LPL: variants seen among roughly 807,000 people sequenced by gnomAD.
The protein encoded by LPL is lipoprotein lipase, also known as phospholipase A1.
LPL carries 43 observed loss-of-function variants against 52.2 expected under a neutral mutation model. The ratio of observed to expected loss-of-function variants is 0.82; its 90% CI spans 0.64 to 1.06. The LOEUF (loss-of-function observed/expected upper bound fraction) is 1.06. LPL is among the 50% of genes least tolerant of loss of function. The pLI, the probability that LPL is intolerant of heterozygous loss-of-function variation, is 0.00. For synonymous variants in LPL, 244 were observed against 215.6 expected (o/e 1.13, Z -1.15); for missense variants, 639 against 585.3 (o/e 1.09, Z -0.95).
At chr8:19,956,942 G>C (rs1425302125) in intron 6 of LPL, among the ~76,000 whole-genome samples, 1 of 152,124 alleles carries the variant, frequency 6.6e-6, no homozygotes, top group Non-Finnish European at 1.5e-5. Flanking sequence ...CCCTGCCTCA[G>C]CCTCCGGAGT....
intron 8 of LPL, among the ~76,000 whole-genome samples, chr8:19,961,458 C>G (rs318): frequency 0.052 from 7,883 of 151,940 alleles, 357 homozygotes; most frequent in African/African-American, 0.12. Context: ...TTCAAACCAA[C>G]CTCTTCAAGA....
In LPL at chr8:19,954,368, G is replaced by A. The variant is rs375405196; in HGVS notation, c.775+15G>A. The stretch of plus-strand genomic sequence containing the variant: ...AGGACTTGGAGGTAAATATTATTTA[G>A]AAGCGAATTAAATGTGACTCTTATC... On this transcript the variant is annotated intron_variant, in intron 5 of 9. Transcript: ENST00000650287. The A allele has an allele frequency of 1.9e-6, 3 of 1,606,094 alleles. No individual in the cohort carries two copies. The African/African-American group carries it at 4.0e-5, about 21-fold the overall frequency.
intron 6 of LPL, among the ~76,000 whole-genome samples, chr8:19,957,663 C>T (rs1030872997): frequency 1.3e-5 from 2 of 152,178 alleles, no homozygotes; most frequent in African/African-American, 4.8e-5. Context: ...AATTCAATGT[C>T]TCTTCATCTT....
rs1351585526 is a variant in LPL at position 19,939,846 on chromosome 8, G to C, written c.88+318G>C. 2.0e-5 allele frequency among the ~76,000 whole-genome samples: 3 copies of C among 152,210 alleles called. No individual in the cohort carries two copies. Among genetic ancestry groups the C allele is most frequent in the Non-Finnish European group, 4.4e-5 (3 of 68,028 alleles). ...CCGCCGGGGAGGTTCCGGGGTGTGG[G>C]GGCCGGGACGGCGGAGGCGGGGAGT... On this transcript the variant is annotated intron_variant, in intron 1 of 9. Transcript: ENST00000650287. This position sits in a 1 kb window ranked among gnomAD's most constrained non-coding sequence, Gnocchi z 4.0.
At chr8:19,941,923 T>A (rs1322962836) in intron 1 of LPL, among the ~76,000 whole-genome samples, 4 of 152,188 alleles carry the variant, frequency 2.6e-5, no homozygotes, top group African/African-American at 9.6e-5. Context: ...TTAGGAAACG[T>A]GAAGAGCTAG....
intron 9 of LPL, among the ~76,000 whole-genome samples, chr8:19,964,515 C>T (rs953778108): frequency 6.6e-6 from 1 of 151,976 alleles, no homozygotes; most frequent in South Asian, 2.1e-4. Flanking sequence ...TGTTCAGATG[C>T]GTTTTATTTT....
Position 19,950,498 on chromosome 8 carries a change from T to A in LPL, c.250-1271T>A, listed in dbSNP as rs1323482630. 6.6e-6 allele frequency among the ~76,000 whole-genome samples: 1 copy of A among 152,186 alleles called. No homozygotes were observed. The highest frequency in any genetic ancestry group is 6.5e-5 in the Admixed American group (1 of 15,280). ...AGTTGGATGTCCAGCCTTTTTAGAT[T>A]GCTTAACTTGGAAACACTGGGCTGG... On this transcript the variant is annotated intron_variant, in intron 2 of 9. Coordinates refer to ENST00000650287, the MANE Select transcript of LPL (RefSeq NM_000237.3). The surrounding 1 kb of genome is among the most constrained non-coding windows in gnomAD (Gnocchi z 4.2).
chr8:19,954,706 T>C (rs1156511447), intron 5 of LPL, among the ~76,000 whole-genome samples: 3 of 152,200 alleles, frequency 2.0e-5, no homozygotes, highest in Non-Finnish European at 2.9e-5. Flanking sequence ...AATGGAAAGA[T>C]TTTAGATGTT....
chr8:19,951,685 C>A (rs559440973), intron 2 of LPL, 84 bp from the exon 3 acceptor site: 43 of 1,474,026 alleles, frequency 2.9e-5, no homozygotes, highest in Non-Finnish European at 3.5e-5. Context: ...TTGTTTTTTC[C>A]ATTTCATGCA....
intron 2 of LPL, among the ~76,000 whole-genome samples, chr8:19,949,288 G>C (rs1398074311): frequency 1.3e-5 from 2 of 152,022 alleles, no homozygotes; most frequent in South Asian, 2.1e-4. Context: ...AATTTAAGTG[G>C]CTTTGTTATT....
chr8:19,960,205 C>A (rs539991979), intron 7 of LPL, among the ~76,000 whole-genome samples: 4 of 152,276 alleles, frequency 2.6e-5, no homozygotes, highest in South Asian at 2.1e-4. Context: ...GCAGAACATG[C>A]GAACCTACCA....
At chr8:19,952,959 T>C (rs1409480513) in intron 3 of LPL, among the ~76,000 whole-genome samples, 1 of 152,244 alleles carries the variant, frequency 6.6e-6, no homozygotes. Flanking sequence ...TTTGTACGTA[T>C]AGTATATGGT....
chr8:19,941,375 T>C (rs2128835565), intron 1 of LPL, among the ~76,000 whole-genome samples: 1 of 152,324 alleles, frequency 6.6e-6, no homozygotes, highest in East Asian at 1.9e-4. Context: ...GTCATCACAT[T>C]CAAGTTTTTC....
Position 19,962,195 on chromosome 8 carries a change from A to G in LPL, c.1403A>G (p.Lys468Arg). The change falls in exon 9 of 10, where the codon AAG becomes AGG. Residue 468 changes from lysine to arginine, a missense_variant. Transcript: ENST00000650287. ...GCGGTATTTGTGAAATGCCATGACA[A>G]GTCTCTGAATAAGAAGTCAGGCTGG... ...APAVFVKCHD[K>R]SLNKKSG The G allele has an allele frequency of 6.2e-7, 1 of 1,613,772 alleles. No homozygotes were observed. The highest frequency in any genetic ancestry group is 1.1e-5 in the South Asian group (1 of 91,070).
chr8:19,944,195 T>G lies in LPL; in HGVS notation c.89-3985T>G, dbSNP rs1228572601. 6.6e-6 allele frequency among the ~76,000 whole-genome samples: 1 copy of G among 152,002 alleles called. No individual in the cohort carries two copies. Among genetic ancestry groups the G allele is most frequent in the Non-Finnish European group, 1.5e-5 (1 of 67,994 alleles). ...AGCAAGACTCCGTTTCAAAAAATAA[T>G]AATAAAATAAAATGAAATAAAGTAA... On this transcript the variant is annotated intron_variant, in intron 1 of 9. Transcript: ENST00000650287. The surrounding 1 kb of genome is among the most constrained non-coding windows in gnomAD (Gnocchi z 4.2).
rs2128838185 is a variant in LPL, at chr8:19,954,265, TG to T, written c.688del (p.Val230LeufsTer22). 10 of 1,614,174 alleles carry T rather than the reference TG, an allele frequency of 6.2e-6. No homozygotes were observed. The highest frequency in any genetic ancestry group is 8.5e-6 in the Non-Finnish European group (10 of 1,180,028). ...SIGIQKPVGH[V>X]DIYPNGGTFQ... is the part of the protein sequence containing the mutation. The stretch of plus-strand genomic sequence containing the variant: ...TTGGAATCCAGAAACCAGTTGGGCA[TG>T]TTGACATTTACCCGAATGGAGGTAC... On this transcript the variant is annotated frameshift_variant, in exon 5 of 10. Coordinates refer to ENST00000650287, the MANE Select transcript of LPL (RefSeq NM_000237.3). LOFTEE classifies it high-confidence loss of function.
In LPL at chr8:19,955,821, G is replaced by T. The variant is rs1563576389; in HGVS notation, c.776-20G>T. 1.2e-5 allele frequency: 20 copies of T among 1,614,036 alleles called. No homozygotes were observed. Among genetic ancestry groups the T allele is most frequent in the Non-Finnish European group, 1.7e-5 (20 of 1,179,992 alleles). On this transcript the variant is annotated intron_variant, in intron 5 of 9. Transcript: ENST00000650287. Reference sequence around the variant, plus strand: ...TGAATTTCTGCCGAGATACAATCTTGGTGTCTCTTTTTTACCCAGATGTGG... The same window carrying T: ...TGAATTTCTGCCGAGATACAATCTTTGTGTCTCTTTTTTACCCAGATGTGG...
intron 1 of LPL, among the ~76,000 whole-genome samples, chr8:19,942,770 T>A (rs2069851541): frequency 6.6e-6 from 1 of 152,216 alleles, no homozygotes; most frequent in South Asian, 2.1e-4. Flanking sequence ...CAGTTTGCTG[T>A]CTTGTGGCCA....
intron 1 of LPL, among the ~76,000 whole-genome samples, chr8:19,943,712 A>T (rs2069859732): frequency 6.6e-6 from 1 of 152,240 alleles, no homozygotes; most frequent in South Asian, 2.1e-4. Context: ...ATGATGGCTT[A>T]TTCACACTTG....
Sources: gnomAD v4.1 joint callset for allele counts (sites outside exome capture counted in the v4.1 genomes callset) on GRCh38, gnomAD v4.1.1 for gene constraint, Gnocchi (gnomAD v3.1) non-coding constraint, MANE v1.5 for transcripts, NCBI Gene and HGNC (gene_info 2026-07-23, HGNC 2026-07-21) for gene names.